INTU: variants seen among roughly 807,000 people sequenced by gnomAD.
INTU encodes the protein protein inturned.
INTU carries 68 observed loss-of-function variants against 100.5 expected under a neutral mutation model. The observed-to-expected ratio is 0.68, with a 90% CI of 0.56 to 0.83. INTU has a LOEUF of 0.83. Ranked by LOEUF, INTU falls within the 40% of genes least tolerant of loss-of-function variation. The pLI is 0.00. For missense variants in INTU, 1,071 were observed against 1,114.7 expected (o/e 0.96, Z 0.56); for synonymous variants, 357 against 395.7 (o/e 0.90, Z 1.16).
chr4:127,640,525 T>C (rs1341969215), intron 1 of INTU, among the ~76,000 whole-genome samples: 1 of 123,918 alleles, frequency 8.1e-6, no homozygotes, highest in East Asian at 2.9e-4. Context: ...ATTGGTATAG[T>C]CTTTTGGGTA....
intron 1 of INTU, among the ~76,000 whole-genome samples, chr4:127,640,403 C>G (rs1191691170): frequency 3.3e-5 from 5 of 151,138 alleles, no homozygotes; most frequent in African/African-American, 1.2e-4. Context: ...CTTTATCTTC[C>G]TTTTAGTTTC....
intron 8 of INTU, chr4:127,699,115 G>C (rs1344899787): frequency 2.0e-5 from 3 of 152,118 alleles, no homozygotes; most frequent in Non-Finnish European, 2.9e-5. Flanking sequence ...ATTGCAGTGA[G>C]CTGAGATTGC....
At chr4:127,684,172 T>A (rs1729709415) in intron 6 of INTU, among the ~76,000 whole-genome samples, 1 of 152,136 alleles carries the variant, frequency 6.6e-6, no homozygotes, top group Non-Finnish European at 1.5e-5. Flanking sequence ...TTAGAGACAG[T>A]TACATGATTT....
Position 127,674,142 on chromosome 4 carries a change from T to C in INTU, c.1110T>C (p.Asn370=). Residue 370 remains asparagine, a synonymous_variant, in exon 6 of 16, where the codon AAT becomes AAC. Transcript: ENST00000335251. ...TQVTSSSLLL[N]GKQIHVAYWK... ...TTCTTAGTTCATCCCTCCTTTTAAA[T>C]GGAAAACAAATTCATGTGGCTTATT... is the stretch of plus-strand genomic sequence containing the variant. 6.2e-7 allele frequency: 1 copy of C among 1,611,792 alleles called. No homozygotes were observed. The highest frequency in any genetic ancestry group is 8.5e-7 in the Non-Finnish European group (1 of 1,178,850).
At chr4:127,641,151 C>G (rs73847025) in intron 1 of INTU, among the ~76,000 whole-genome samples, 1 of 152,090 alleles carries the variant, frequency 6.6e-6, no homozygotes, top group Non-Finnish European at 1.5e-5. Context: ...GAAACAGCCC[C>G]CTGACTAGCC....
At chr4:127,668,889 T>C (rs2126206457) in intron 4 of INTU, 147 bp from the exon 5 acceptor site, 1 of 490,836 alleles carries the variant, frequency 2.0e-6, no homozygotes, top group Non-Finnish European at 3.7e-6. Flanking sequence ...ATTCCAAGCA[T>C]AGTTCTCCCC....
At position 127,705,773 on chromosome 4, in the gene INTU, G is replaced by A. The variant is rs201612700; in HGVS notation, c.1749G>A (p.Pro583=). ...PLADSSTEVF[P]EPEGRYFLLV... ...CAGACTCAAGCACTGAAGTCTTTCC[G>A]GAACCTGAAGGAAGATATTTTTTGC... The change falls in exon 11 of 16, where the codon CCG becomes CCA. Residue 583 remains proline (P), a synonymous_variant. Coordinates refer to ENST00000335251, the MANE Select transcript of INTU (RefSeq NM_015693.4). 2.6e-4 allele frequency: 412 copies of A among 1,613,994 alleles called. 3 individuals carry two copies. The South Asian group carries it at 3.4e-3, about 13-fold the overall frequency.
intron 6 of INTU, among the ~76,000 whole-genome samples, chr4:127,683,368 C>T (rs1355303546): frequency 6.6e-6 from 1 of 152,164 alleles, no homozygotes; most frequent in African/African-American, 2.4e-5. Context: ...TCTCATTTCA[C>T]ATAACTAAAA....
intron 5 of INTU, among the ~76,000 whole-genome samples, chr4:127,673,278 G>C (rs969052037): frequency 6.6e-6 from 1 of 151,658 alleles, no homozygotes; most frequent in African/African-American, 2.4e-5. Flanking sequence ...CCAGCCTCAA[G>C]TGATCTTCCC....
intron 1 of INTU, among the ~76,000 whole-genome samples, chr4:127,640,202 T>A (rs1202240121): frequency 6.6e-6 from 1 of 152,014 alleles, no homozygotes; most frequent in African/African-American, 2.4e-5. Context: ...TTGACAAGAG[T>A]CCTGTGAGGT....
chr4:127,650,949 AT>A (rs1727836343), intron 2 of INTU, among the ~76,000 whole-genome samples: 3 of 151,934 alleles, frequency 2.0e-5, no homozygotes, highest in Admixed American at 2.0e-4. Flanking sequence ...TGTGGTTTTG[AT>A]TTGCATTTCT....
At position 127,714,102 on chromosome 4, in the gene INTU, G is replaced by GA. The variant is rs774191925; in HGVS notation, c.2717+17dup. Reference sequence around the variant, plus strand: ...GCTTACTGGGTAGTAGGGTAAGTGAGAAAAAAAAGTATTTGAAAGTAAAGT... The same window carrying GA: ...GCTTACTGGGTAGTAGGGTAAGTGAGAAAAAAAAAGTATTTGAAAGTAAAGT... On this transcript the variant is annotated intron_variant, in intron 15 of 15. Coordinates refer to ENST00000335251, the MANE Select transcript of INTU (RefSeq NM_015693.4). 11 of 1,587,664 alleles carry GA rather than the reference G, an allele frequency of 6.9e-6. No homozygotes were observed. Among genetic ancestry groups the GA allele is most frequent in the East Asian group, 4.5e-5 (2 of 44,550 alleles).
intron 1 of INTU, among the ~76,000 whole-genome samples, chr4:127,636,613 CAAAA>C (rs770388771): frequency 1.2e-5 from 1 of 85,502 alleles, no homozygotes. Context: ...CACACCATCT[CAAAA>C]AAAAAAAAAA....
chr4:127,657,342 C>T (rs192009875), intron 3 of INTU, among the ~76,000 whole-genome samples: 1 of 152,082 alleles, frequency 6.6e-6, no homozygotes, highest in East Asian at 1.9e-4. Context: ...AGTGCTATAC[C>T]TTTTGGTAAC....
At position 127,717,397 on chromosome 4, in the gene INTU, A is replaced by G. The variant is rs1731284304; in HGVS notation, c.*961A>G. The G allele has an allele frequency of 6.6e-6, 1 of 152,174 alleles. No individual in the cohort carries two copies. The highest frequency in any genetic ancestry group is 2.1e-4 in the South Asian group (1 of 4,826). The allele number at this position is 152,174 out of a possible 1,614,324, so 9.4% of individuals were successfully genotyped here. On this transcript the variant is annotated 3_prime_UTR_variant, in exon 16 of 16. Transcript: ENST00000335251. Reference sequence around the variant, plus strand: ...TTTATCCAGTCTATTGCTGATGGGCATTTGGGTTGATTCCATGTCTTTGCT... The same window carrying G: ...TTTATCCAGTCTATTGCTGATGGGCGTTTGGGTTGATTCCATGTCTTTGCT...
chr4:127,710,293 A>G (rs534744669), intron 13 of INTU, among the ~76,000 whole-genome samples: 1 of 152,176 alleles, frequency 6.6e-6, no homozygotes, highest in African/African-American at 2.4e-5. Context: ...ATAAAACAGG[A>G]TGTAATATAT....
intron 1 of INTU, among the ~76,000 whole-genome samples, chr4:127,642,782 T>C (rs190738965): frequency 1.4e-4 from 22 of 152,272 alleles, no homozygotes; most frequent in Admixed American, 1.3e-3. Flanking sequence ...TTTTGTTTTT[T>C]TTTTCAGTGG....
At chr4:127,692,761 A>G (rs1213223318) in intron 8 of INTU, among the ~76,000 whole-genome samples, 1 of 152,126 alleles carries the variant, frequency 6.6e-6, no homozygotes, top group Non-Finnish European at 1.5e-5. Flanking sequence ...TGATTTTTGT[A>G]TAAGGCTGAG....
Position 127,725,291 on chromosome 4 carries a change from G to C in INTU, c.*8855G>C, listed in dbSNP as rs1731401651. ...CACTGCCACTCCAGCCTGGGCAACA[G>C]AACGAGGCTCTGTTTAAAAAACAAA... On this transcript the variant is annotated 3_prime_UTR_variant, in exon 16 of 16. Coordinates refer to ENST00000335251, the MANE Select transcript of INTU (RefSeq NM_015693.4). The C allele has an allele frequency of 6.6e-6, 1 of 152,114 alleles. No individual in the cohort carries two copies. The highest frequency in any genetic ancestry group is 2.1e-4 in the South Asian group (1 of 4,818). 9.4% of individuals were successfully genotyped at this position (152,114 alleles called of 1,614,324 possible).
Sources: gnomAD v4.1 joint callset for allele counts (sites outside exome capture counted in the v4.1 genomes callset) on GRCh38, gnomAD v4.1.1 for gene constraint, MANE v1.5 for transcripts, NCBI Gene and HGNC (gene_info 2026-07-23, HGNC 2026-07-21) for gene names.